NAA50: variants seen among roughly 807,000 people sequenced by gnomAD.
NAA50 encodes N-alpha-acetyltransferase 50.
In NAA50, 7 loss-of-function variants were observed where a neutral mutation model predicts 20.7. That is an observed-to-expected ratio of 0.34 (90% confidence interval 0.19 to 0.63). The LOEUF (loss-of-function observed/expected upper bound fraction) is 0.63, where lower values mean the gene tolerates loss of function less well. Among genes scored for constraint, NAA50 ranks in the 30% least tolerant of loss-of-function variants. The pLI, the probability that NAA50 is intolerant of heterozygous loss-of-function variation, is 0.75. For synonymous variants in NAA50, 54 were observed against 70.6 expected (o/e 0.77, Z 1.18); for missense variants, 111 against 199.1 (o/e 0.56, Z 2.66).
chr3:113,719,260 A>G lies in NAA50; in HGVS notation c.*2500T>C, dbSNP rs867538291. ...ATGAAAGCTAATCTGGACAAACTAT[A>G]TATTGCATAGATTTCTCTACAGATT... On this transcript the variant is annotated 3_prime_UTR_variant, in exon 5 of 5. Coordinates refer to ENST00000240922, the MANE Select transcript of NAA50 (RefSeq NM_025146.4). 1 of 152,636 alleles carries G rather than the reference A, an allele frequency of 6.6e-6. No individual in the cohort carries two copies. The highest frequency in any genetic ancestry group is 1.5e-5 in the Non-Finnish European group (1 of 68,014). 9.5% of individuals were successfully genotyped at this position (152,636 alleles called of 1,614,324 possible).
chr3:113,735,915 T>C (rs2107992412), intron 1 of NAA50, among the ~76,000 whole-genome samples: 1 of 152,346 alleles, frequency 6.6e-6, no homozygotes, highest in East Asian at 1.9e-4. Context: ...ACTGCTGGTC[T>C]CGAATTCCTG....
rs1362879965 is a variant in NAA50 at position 113,719,449 on chromosome 3, C to T, written c.*2311G>A. ...TAATTATTATCATATATCAAAATAA[C>T]CAGCTCAACATAGGACATTACTTCA... On this transcript the variant is annotated 3_prime_UTR_variant, in exon 5 of 5. Transcript: ENST00000240922. 1 of 152,548 alleles carries T rather than the reference C, an allele frequency of 6.6e-6. No individual in the cohort carries two copies. The highest frequency in any genetic ancestry group is 6.5e-5 in the Admixed American group (1 of 15,270). The allele number at this position is 152,548 out of a possible 1,614,324, so 9.4% of individuals were successfully genotyped here.
At position 113,742,298 on chromosome 3, in the gene NAA50, G is replaced by A. The variant is rs1047353645; in HGVS notation, c.8+3644C>T. 1.2e-4 allele frequency among the ~76,000 whole-genome samples: 18 copies of A among 152,066 alleles called. 1 individual carries two copies. The highest frequency in any genetic ancestry group is 2.9e-5 in the Non-Finnish European group (2 of 68,028). On this transcript the variant is annotated intron_variant, in intron 1 of 4. Transcript: ENST00000240922. ...GTTTTTTAAGACCAGTTTTCGCTCT[G>A]TTGCCCAGGCTGAAATATAGTGACA...
chr3:113,738,990 AATT>A (rs1559741939), intron 1 of NAA50, among the ~76,000 whole-genome samples: 1 of 152,164 alleles, frequency 6.6e-6, no homozygotes, highest in Non-Finnish European at 1.5e-5. Context: ...TCATCATCCC[AATT>A]AATAACTGGG....
At chr3:113,725,366 T>A (rs906209854) in intron 1 of NAA50, among the ~76,000 whole-genome samples, 16 of 152,316 alleles carry the variant, frequency 1.1e-4, no homozygotes, top group African/African-American at 3.6e-4. Context: ...TTTGTTAACA[T>A]ATACAAAAAC....
chr3:113,723,585 A>G, intron 2 of NAA50, 44 bp from the exon 3 acceptor site: 2 of 1,552,640 alleles, frequency 1.3e-6, no homozygotes, highest in South Asian at 2.4e-5. Context: ...CAGACAGAAT[A>G]ACACATTTAA....
intron 1 of NAA50, among the ~76,000 whole-genome samples, chr3:113,744,962 A>C (rs1020288590): frequency 6.6e-6 from 1 of 152,238 alleles, no homozygotes; most frequent in Non-Finnish European, 1.5e-5. Flanking sequence ...AAACATAGTT[A>C]CGACTTCTTA....
Position 113,721,929 on chromosome 3 carries a change from T to A in NAA50, c.341A>T (p.Gln114Leu), listed in dbSNP as rs754009341. ...GTFDNIYLHV[Q>L]ISNESAIDFY... is the part of the protein sequence containing the mutation. ...GTCAATTGCCGACTCATTGCTGATC[T>A]GGACATGCCTGAGATATAAGAGAGT... The change falls in exon 5 of 5, where the codon CAG becomes CTG. Residue 114 changes from glutamine to leucine, a missense_variant. Gln to Leu is a moderately radical substitution (Grantham distance 113). Coordinates refer to ENST00000240922, the MANE Select transcript of NAA50 (RefSeq NM_025146.4). 1.2e-6 allele frequency: 2 copies of A among 1,613,132 alleles called. No homozygotes were observed. Among genetic ancestry groups the A allele is most frequent in the South Asian group, 2.2e-5 (2 of 91,022 alleles).
intron 1 of NAA50, 153 bp downstream of exon 1, chr3:113,745,789 C>G (rs1310575238): frequency 1.1e-6 from 1 of 938,644 alleles, no homozygotes. Context: ...CGCCTCCGCC[C>G]CCTCCGGGAG....
At chr3:113,736,865 T>A (rs556919714) in intron 1 of NAA50, among the ~76,000 whole-genome samples, 6 of 152,268 alleles carry the variant, frequency 3.9e-5, no homozygotes, top group African/African-American at 7.2e-5. Context: ...AAAGTGAAAA[T>A]GAAGTATAGA....
At chr3:113,737,145 C>T (rs1442335200) in intron 1 of NAA50, among the ~76,000 whole-genome samples, 3 of 152,084 alleles carry the variant, frequency 2.0e-5, no homozygotes. Flanking sequence ...AAGGAATGAC[C>T]TTTACCCCTC....
At position 113,726,754 on chromosome 3, in the gene NAA50, A is replaced by AG. The variant is rs796202895; in HGVS notation, c.9-2660_9-2659insC. On this transcript the variant is annotated intron_variant, in intron 1 of 4. Transcript: ENST00000240922. The stretch of plus-strand genomic sequence containing the variant: ...GCAAGACTCCGCCTCAAAAAAAAAA[A>AG]AAAGAAAGAAAGAAAGAAAAATCTG... Among the ~76,000 whole-genome samples, 19 of 152,144 alleles carry AG rather than the reference A, an allele frequency of 1.2e-4. No individual in the cohort carries two copies. In the South Asian group the frequency reaches 1.4e-3, roughly 12 times the overall value.
intron 1 of NAA50, among the ~76,000 whole-genome samples, chr3:113,741,767 C>A (rs2712348): frequency 0.36 from 54,431 of 152,036 alleles, 9,833 homozygotes; most frequent in East Asian, 0.4. Flanking sequence ...TTAGAGCTTT[C>A]CTAAGAGTTG....
chr3:113,746,005 C>T lies in NAA50; in HGVS notation c.-56G>A, dbSNP rs1265694306. 8 of 1,603,258 alleles carry T rather than the reference C, an allele frequency of 5.0e-6. No homozygotes were observed. Among genetic ancestry groups the T allele is most frequent in the East Asian group, 2.2e-5 (1 of 44,602 alleles). On this transcript the variant is annotated 5_prime_UTR_variant, in exon 1 of 5. Transcript: ENST00000240922. ...CCGATATCAACGCCGTCGTAGTCGC[C>T]GCCCTTAGGTCTCCGCACCCTTAGC... is the stretch of plus-strand genomic sequence containing the variant.
At chr3:113,734,874 G>C (rs1210090091) in intron 1 of NAA50, among the ~76,000 whole-genome samples, 1 of 152,032 alleles carries the variant, frequency 6.6e-6, no homozygotes, top group African/African-American at 2.4e-5. Flanking sequence ...ACGCTTTTAA[G>C]GTATGAATGG....
At chr3:113,738,193 G>T (rs1422397164) in intron 1 of NAA50, among the ~76,000 whole-genome samples, 1 of 152,166 alleles carries the variant, frequency 6.6e-6, no homozygotes, top group East Asian at 1.9e-4. Flanking sequence ...AACCTAAAAA[G>T]AATCAAATTA....
intron 1 of NAA50, among the ~76,000 whole-genome samples, chr3:113,737,567 T>C (rs1708360452): frequency 6.6e-6 from 1 of 152,228 alleles, no homozygotes; most frequent in African/African-American, 2.4e-5. Flanking sequence ...TCTTGTATCT[T>C]ACCTCTTCTA....
At chr3:113,741,269 G>A (rs1349551621) in intron 1 of NAA50, 8 of 383,582 alleles carry the variant, frequency 2.1e-5, no homozygotes, top group Admixed American at 3.7e-5. Context: ...CCCGGGAAAT[G>A]GCAACTGTGC....
Position 113,722,897 on chromosome 3 carries a change from TTTAC to T in NAA50, c.332+5_332+8del. 6.6e-7 allele frequency: 1 copy of T among 1,522,172 alleles called. No individual in the cohort carries two copies. Among genetic ancestry groups the T allele is most frequent in the Non-Finnish European group, 8.9e-7 (1 of 1,123,280 alleles). 94.3% of individuals were successfully genotyped at this position (1,522,172 alleles called of 1,614,324 possible). ...CTTTGATAAGAACATTAAATATTAT[TTTAC>T]TTACAGATAAATGTTGTCAAAAGTA... On this transcript the variant is annotated splice_donor_5th_base_variant and intron_variant, in intron 4 of 4. Coordinates refer to ENST00000240922, the MANE Select transcript of NAA50 (RefSeq NM_025146.4).
Sources: allele counts gnomAD v4.1 joint callset (sites outside exome capture counted in the v4.1 genomes callset), GRCh38; gene constraint gnomAD v4.1.1; transcripts MANE v1.5; gene names NCBI Gene and HGNC (gene_info 2026-07-23, HGNC 2026-07-21).